The following SMIM35 variants were observed in gnomAD, a reference collection of about 807,000 sequenced individuals.
The protein encoded by SMIM35 is TMPRSS4 antisense RNA 1 (non-protein coding).
At chr11:118,044,723 G>A (rs944716334) in intron 1 of SMIM35, among the ~76,000 whole-genome samples, 11 of 144,254 alleles carry the variant, frequency 7.6e-5, no homozygotes, top group Non-Finnish European at 1.0e-4. Flanking sequence ...GCAGTGAGCC[G>A]AGACTGCACC....
At chr11:118,063,695 G>A (rs1020651994) in intron 1 of SMIM35, among the ~76,000 whole-genome samples, 16 of 152,134 alleles carry the variant, frequency 1.1e-4, no homozygotes, top group African/African-American at 3.6e-4. Context: ...TGGAGGGTAA[G>A]TTGATCACCA....
In SMIM35 at chr11:118,047,694, G is replaced by A. The variant is rs1195149863; in HGVS notation, c.8-31885C>T. Among the ~76,000 whole-genome samples the A allele has an allele frequency of 2.6e-5, 4 of 152,230 alleles. No individual in the cohort carries two copies. In the South Asian group the frequency reaches 6.2e-4, roughly 24 times the overall value. On this transcript the variant is annotated intron_variant, in intron 1 of 4. Coordinates refer to ENST00000689828, the MANE Select transcript of SMIM35 (RefSeq NM_001394165.1). ...ACGGAGAAGCCCCATGGACAGAGAA[G>A]CAAATAAGTTATTTCAGCAGCCAAA...
intron 1 of SMIM35, among the ~76,000 whole-genome samples, chr11:118,049,486 T>C (rs916316874): frequency 4.0e-5 from 6 of 151,470 alleles, no homozygotes; most frequent in Non-Finnish European, 7.4e-5. Context: ...GTAGCTGGGA[T>C]TACAGGCACA....
intron 1 of SMIM35, among the ~76,000 whole-genome samples, 165 bp from the exon 2 acceptor site, chr11:118,015,974 G>A (rs1432133823): frequency 6.6e-6 from 1 of 152,252 alleles, no homozygotes; most frequent in Non-Finnish European, 1.5e-5. Context: ...AGATGAAAAT[G>A]TCTGACACCT....
chr11:118,037,110 C>G (rs12222379), intron 1 of SMIM35, among the ~76,000 whole-genome samples: 2 of 152,266 alleles, frequency 1.3e-5, no homozygotes, highest in South Asian at 2.1e-4. Flanking sequence ...CTCAGTCCCC[C>G]CTCTCAACAG....
intron 4 of SMIM35, among the ~76,000 whole-genome samples, chr11:118,008,791 G>C (rs2058135945): frequency 6.6e-6 from 1 of 152,226 alleles, no homozygotes; most frequent in Non-Finnish European, 1.5e-5. Flanking sequence ...AAGTACCGTG[G>C]AGAACTCAGA....
At chr11:118,028,403 G>A (rs11607717) in intron 1 of SMIM35, among the ~76,000 whole-genome samples, 1,662 of 152,194 alleles carry the variant, frequency 0.011, 28 homozygotes, top group African/African-American at 0.038. Flanking sequence ...TAAGTCCTAT[G>A]ATATGTTATT....
chr11:118,018,189 T>A (rs1302774879), intron 1 of SMIM35, among the ~76,000 whole-genome samples: 3 of 151,842 alleles, frequency 2.0e-5, no homozygotes, highest in Non-Finnish European at 4.4e-5. Flanking sequence ...GGAGAGGAGG[T>A]ACCAGGAGCC....
chr11:118,038,987 C>T (rs1470317599), intron 1 of SMIM35, among the ~76,000 whole-genome samples: 1 of 151,790 alleles, frequency 6.6e-6, no homozygotes, highest in African/African-American at 2.4e-5. Context: ...GAGAAAGGGG[C>T]ATGAGAAGAA....
chr11:118,023,022 C>T (rs1201269610), intron 1 of SMIM35, among the ~76,000 whole-genome samples: 3 of 151,584 alleles, frequency 2.0e-5, no homozygotes, highest in African/African-American at 4.8e-5. Context: ...GGTCAAACTG[C>T]TTCCAACTAA....
intron 1 of SMIM35, among the ~76,000 whole-genome samples, chr11:118,066,691 G>A (rs1013467185): frequency 3.9e-5 from 6 of 151,918 alleles, no homozygotes; most frequent in South Asian, 4.2e-4. Flanking sequence ...TATCTTAGCC[G>A]GGCATGGTGG....
At chr11:118,064,931 C>G (rs1284969337) in intron 1 of SMIM35, among the ~76,000 whole-genome samples, 1 of 152,222 alleles carries the variant, frequency 6.6e-6, no homozygotes, top group Non-Finnish European at 1.5e-5. Flanking sequence ...CGTGAGCCAC[C>G]ATGCCCAGCC....
chr11:118,068,894 C>G (rs1444026361), intron 1 of SMIM35, among the ~76,000 whole-genome samples: 2 of 152,192 alleles, frequency 1.3e-5, no homozygotes, highest in African/African-American at 4.8e-5. Context: ...TCAGTCAAGC[C>G]AGAGCCACCA....
chr11:118,083,759 A>C (rs1231523033), intron 1 of SMIM35, among the ~76,000 whole-genome samples: 1 of 152,272 alleles, frequency 6.6e-6, no homozygotes. Flanking sequence ...TACAGTTAAC[A>C]ATTACTGTAC....
At position 118,004,468 on chromosome 11, in the gene SMIM35, A is replaced by C. The variant is rs1325976840; in HGVS notation, c.*1942T>G. On this transcript the variant is annotated 3_prime_UTR_variant, in exon 5 of 5. Transcript: ENST00000689828. ...ATGATGAGAAAAGCGAAATATGGACATGGAAGGGAGACAGAGGTGTGGAGG... is the reference window on the plus strand; with the variant it reads ...ATGATGAGAAAAGCGAAATATGGACCTGGAAGGGAGACAGAGGTGTGGAGG... 6.6e-6 allele frequency: 1 copy of C among 152,286 alleles called. No homozygotes were observed. The highest frequency in any genetic ancestry group is 1.5e-5 in the Non-Finnish European group (1 of 68,054). The allele number at this position is 152,286 out of a possible 1,614,324, so 9.4% of individuals were successfully genotyped here.
chr11:118,028,919 G>A (rs1473451069), intron 1 of SMIM35: 1 of 412,006 alleles, frequency 2.4e-6, no homozygotes. Context: ...AGGAGGAGGA[G>A]GGGAAAAATA....
rs528853885 is a variant in SMIM35 at position 118,024,021 on chromosome 11, A to G, written c.8-8212T>C. Among the ~76,000 whole-genome samples the G allele has an allele frequency of 2.5e-4, 38 of 152,210 alleles. 1 individual carries two copies. The highest frequency in any genetic ancestry group is 8.7e-4 in the African/African-American group (36 of 41,540). On this transcript the variant is annotated intron_variant, in intron 1 of 4. Coordinates refer to ENST00000689828, the MANE Select transcript of SMIM35 (RefSeq NM_001394165.1). ...TAGAGTGAGATGCCTTCTCCAAAAA[A>G]AAAAAAGAAAGAAAGAAAGAAAAGA...
intron 1 of SMIM35, among the ~76,000 whole-genome samples, chr11:118,051,345 C>T (rs921200231): frequency 7.9e-5 from 12 of 152,224 alleles, no homozygotes; most frequent in African/African-American, 2.4e-4. Flanking sequence ...AGGAGCCATT[C>T]GTGGATGCTG....
At chr11:118,080,403 C>A (rs2135204062) in intron 1 of SMIM35, among the ~76,000 whole-genome samples, 1 of 152,298 alleles carries the variant, frequency 6.6e-6, no homozygotes, top group Non-Finnish European at 1.5e-5. Flanking sequence ...CACTCCAGGT[C>A]ATGGGAGCTG....
Sources: gnomAD v4.1 joint callset for allele counts (sites outside exome capture counted in the v4.1 genomes callset) on GRCh38, gnomAD v4.1.1 for gene constraint, MANE v1.5 for transcripts, NCBI Gene and HGNC (gene_info 2026-07-23, HGNC 2026-07-21) for gene names.